The following SRRM3 variants were observed in gnomAD, a reference collection of about 807,000 sequenced individuals.
SRRM3 encodes the protein serine/arginine repetitive matrix 3.
SRRM3 carries 27 observed loss-of-function variants against 66.2 expected under a neutral mutation model. The observed-to-expected ratio is 0.41, with a 90% CI of 0.30 to 0.56. The LOEUF is 0.56. Ranked by LOEUF, SRRM3 falls within the 20% of genes least tolerant of loss-of-function variation. The probability of loss-of-function intolerance (pLI) is 0.32; values close to 1 mark genes in which losing one functional copy is unlikely to be tolerated. For missense variants in SRRM3, 918 were observed against 991.9 expected (o/e 0.93, Z 1.00); for synonymous variants, 391 against 414.9 (o/e 0.94, Z 0.70).
chr7:76,235,294 G>A lies in SRRM3; in HGVS notation c.228G>A (p.Glu76=), dbSNP rs1369253032. ...KCMELQEMME[E]QGYSEEEIRQ... is the part of the protein sequence containing the mutation. ...TGGAGCTGCAGGAGATGATGGAGGA[G>A]CAGGGGTGAGCAGGCCGCGGGGCGG... The change falls in exon 2 of 15, where the codon GAG becomes GAA. Residue 76 remains glutamate (E), a synonymous_variant. Coordinates refer to ENST00000611745, the MANE Select transcript of SRRM3 (RefSeq NM_001110199.3). 1.3e-6 allele frequency: 2 copies of A among 1,508,196 alleles called. No homozygotes were observed. Among genetic ancestry groups the A allele is most frequent in the African/African-American group, 1.4e-5 (1 of 71,236 alleles). 93.4% of individuals were successfully genotyped at this position (1,508,196 alleles called of 1,614,324 possible).
intron 5 of SRRM3, among the ~76,000 whole-genome samples, chr7:76,260,596 C>T (rs889923971): frequency 6.6e-6 from 1 of 151,452 alleles, no homozygotes; most frequent in Non-Finnish European, 1.5e-5. Flanking sequence ...TCACTGAGCC[C>T]TTCTCTAGCA....
At chr7:76,271,573 T>C (rs1802213912) in intron 11 of SRRM3, among the ~76,000 whole-genome samples, 1 of 152,008 alleles carries the variant, frequency 6.6e-6, no homozygotes, top group Admixed American at 6.6e-5. Flanking sequence ...GAACCAGAAG[T>C]TTGAGGCTGC....
chr7:76,249,638 A>T (rs1244192270), intron 3 of SRRM3, among the ~76,000 whole-genome samples: 1 of 152,256 alleles, frequency 6.6e-6, no homozygotes, highest in Non-Finnish European at 1.5e-5. Flanking sequence ...GCCGAGCTCC[A>T]TGCCTGGCAG....
chr7:76,247,608 C>T (rs1283666282), intron 2 of SRRM3, among the ~76,000 whole-genome samples: 2 of 152,020 alleles, frequency 1.3e-5, no homozygotes, highest in Non-Finnish European at 1.5e-5. Flanking sequence ...GCGAGGGGGT[C>T]GTCTCTCCCC....
At chr7:76,219,006 C>CCGTG (rs1800645619) in intron 1 of SRRM3, among the ~76,000 whole-genome samples, 1 of 152,200 alleles carries the variant, frequency 6.6e-6, no homozygotes. Context: ...AGGCACCAGC[C>CCGTG]ACCATGCCTG....
In SRRM3 at chr7:76,285,856, T is replaced by TCC; in HGVS notation, c.*14_*15insCC. 1 of 1,541,366 alleles carries TCC rather than the reference T, an allele frequency of 6.5e-7. No individual in the cohort carries two copies. The highest frequency in any genetic ancestry group is 8.8e-7 in the Non-Finnish European group (1 of 1,140,454). ...CGGGGGCTTCTGAGCCCAGACAGAC[T>TCC]CAGCTTGGTGCCCCCCTGGCACTGG... On this transcript the variant is annotated 3_prime_UTR_variant, in exon 15 of 15. Coordinates refer to ENST00000611745, the MANE Select transcript of SRRM3 (RefSeq NM_001110199.3). The surrounding 1 kb of genome is among the most constrained non-coding windows in gnomAD (Gnocchi z 4.1).
At chr7:76,266,540 A>AATATTTAT in intron 10 of SRRM3, among the ~76,000 whole-genome samples, 1 of 111,284 alleles carries the variant, frequency 9.0e-6, no homozygotes, top group Admixed American at 1.3e-4. Context: ...TTAATATATA[A>AATATTTAT]ATATTTATAT....
chr7:76,255,071 G>A (rs1490640165), intron 3 of SRRM3, among the ~76,000 whole-genome samples: 1 of 151,430 alleles, frequency 6.6e-6, no homozygotes, highest in South Asian at 2.1e-4. Context: ...AAGTTCTTGA[G>A]AATGGCCTCA....
chr7:76,261,606 T>A (rs781858554), intron 8 of SRRM3, 25 bp downstream of exon 8: 3 of 1,605,468 alleles, frequency 1.9e-6, no homozygotes, highest in Middle Eastern at 1.6e-4. Context: ...GCAGAGGACA[T>A]GGTCAGTGGT....
intron 2 of SRRM3, among the ~76,000 whole-genome samples, chr7:76,238,349 A>G (rs1801198765): frequency 6.6e-6 from 1 of 151,942 alleles, no homozygotes; most frequent in Non-Finnish European, 1.5e-5. Context: ...ATCCATTTCT[A>G]GAAACACTGG....
intron 11 of SRRM3, among the ~76,000 whole-genome samples, chr7:76,276,087 T>A (rs202139904): frequency 0.014 from 1,411 of 98,362 alleles, 12 homozygotes; most frequent in South Asian, 0.033. Flanking sequence ...TCTCAAAAAA[T>A]ATATATATAT....
chr7:76,264,735 C>T (rs782331360), intron 8 of SRRM3, 30 bp from the exon 9 acceptor site: 1 of 1,613,436 alleles, frequency 6.2e-7, no homozygotes, highest in South Asian at 1.1e-5. Flanking sequence ...CCCCGGGCCA[C>T]ACCATCACTG....
At chr7:76,278,285 A>G (rs1229408279) in intron 11 of SRRM3, among the ~76,000 whole-genome samples, 1 of 152,026 alleles carries the variant, frequency 6.6e-6, no homozygotes, top group African/African-American at 2.4e-5. Context: ...TCAGGGGCTC[A>G]AGACCAGCCT....
At chr7:76,211,831 T>TTATTAA in intron 1 of SRRM3, among the ~76,000 whole-genome samples, 1 of 140,020 alleles carries the variant, frequency 7.1e-6, no homozygotes, top group East Asian at 2.0e-4. Context: ...ATTATTATTA[T>TTATTAA]TATTATTATT....
intron 3 of SRRM3, among the ~76,000 whole-genome samples, chr7:76,250,061 T>C (rs1801538997): frequency 6.6e-6 from 1 of 151,984 alleles, no homozygotes; most frequent in Non-Finnish European, 1.5e-5. Flanking sequence ...ATTTATTTTT[T>C]GACACAGGGT....
At chr7:76,230,298 C>T (rs1554604124) in intron 1 of SRRM3, among the ~76,000 whole-genome samples, 1 of 152,130 alleles carries the variant, frequency 6.6e-6, no homozygotes, top group African/African-American at 2.4e-5. Context: ...GTCAATCAAT[C>T]AACCAATTAC....
intron 1 of SRRM3, among the ~76,000 whole-genome samples, chr7:76,216,765 C>A (rs60717745): frequency 6.6e-6 from 1 of 152,026 alleles, no homozygotes; most frequent in African/African-American, 2.4e-5. Context: ...TCCCTCTCTC[C>A]CCTTTTACTG....
chr7:76,258,421 G>A (rs1313497402), intron 3 of SRRM3, among the ~76,000 whole-genome samples: 1 of 152,172 alleles, frequency 6.6e-6, no homozygotes, highest in Non-Finnish European at 1.5e-5. Flanking sequence ...GGCTCTTTAA[G>A]AAATTAGAGT....
At chr7:76,241,664 C>T (rs1801299962) in intron 2 of SRRM3, among the ~76,000 whole-genome samples, 1 of 152,048 alleles carries the variant, frequency 6.6e-6, no homozygotes, top group African/African-American at 2.4e-5. Context: ...CCACCACGCC[C>T]AGCTGATTTC....
Sources: gnomAD v4.1 joint callset for allele counts (sites outside exome capture counted in the v4.1 genomes callset) on GRCh38, gnomAD v4.1.1 for gene constraint, Gnocchi (gnomAD v3.1) non-coding constraint, MANE v1.5 for transcripts, NCBI Gene and HGNC (gene_info 2026-07-23, HGNC 2026-07-21) for gene names.